Variants in CEPT1 observed in about 807,000 individuals in gnomAD.
The protein encoded by CEPT1 is choline/ethanolamine phosphotransferase 1, also known as choline/ethanolaminephosphotransferase 1.
CEPT1 carries 7 observed loss-of-function variants against 42.6 expected under a neutral mutation model. The observed-to-expected ratio is 0.16, with a 90% confidence interval of 0.09 to 0.31. The LOEUF is 0.31. Among genes scored for constraint, CEPT1 ranks in the 10% least tolerant of loss-of-function variants. CEPT1 has a pLI of 1.00. For missense variants in CEPT1, 306 were observed against 502.1 expected (o/e 0.61, Z 3.73); for synonymous variants, 171 against 171.9 (o/e 0.99, Z 0.04).
chr1:111,156,482 G>T (rs934228912), intron 2 of CEPT1, among the ~76,000 whole-genome samples: 1 of 152,138 alleles, frequency 6.6e-6, no homozygotes. Flanking sequence ...TAAATCAGGG[G>T]TGTCTAATCT....
At chr1:111,158,899 ATTCTTT>A (rs1486193342) in intron 2 of CEPT1, among the ~76,000 whole-genome samples, 1 of 76,470 alleles carries the variant, frequency 1.3e-5, no homozygotes, top group Non-Finnish European at 2.9e-5. Context: ...TTCTTTTACA[ATTCTTT>A]TTTTTTTTTT....
rs1657175247 is a variant in CEPT1 at position 111,184,755 on chromosome 1, G to A, written c.*445G>A. ...ACTGAGGAATTCAGCTTGTGACACA[G>A]ATACATCCCACTAGCTTGTGAGGTG... On this transcript the variant is annotated 3_prime_UTR_variant, in exon 9 of 9. Coordinates refer to ENST00000357172, the MANE Select transcript of CEPT1 (RefSeq NM_006090.5). 6.6e-6 allele frequency: 1 copy of A among 152,260 alleles called. No homozygotes were observed. Among genetic ancestry groups the A allele is most frequent in the Non-Finnish European group, 1.5e-5 (1 of 68,150 alleles). The allele number at this position is 152,260 out of a possible 1,614,324, so 9.4% of individuals were successfully genotyped here.
At position 111,147,970 on chromosome 1, in the gene CEPT1, A is replaced by G; in HGVS notation, c.256A>G (p.Asn86Asp). The G allele has an allele frequency of 1.2e-6, 2 of 1,614,162 alleles. No homozygotes were observed. The highest frequency in any genetic ancestry group is 1.7e-6 in the Non-Finnish European group (2 of 1,180,030). Reference protein sequence around the residue: ...VRRVPSWIAPNLITIIGLSIN... With the variant: ...VRRVPSWIAPDLITIIGLSIN... ...AAGAGTTCCCTCCTGGATTGCCCCA[A>G]ATCTCATCACCATCATTGGACTGTC... is the stretch of plus-strand genomic sequence containing the variant. The change falls in exon 2 of 9, where the codon AAT (asparagine) becomes GAT (aspartate). Residue 86 changes from asparagine (N) to aspartate (D), a missense_variant. This residue lies in a region of CEPT1 where 253 missense variants were observed against 447.3 expected (regional missense o/e 0.57). Transcript: ENST00000357172.
intron 2 of CEPT1, among the ~76,000 whole-genome samples, chr1:111,151,765 T>C (rs1258836101): frequency 3.3e-5 from 5 of 152,222 alleles, no homozygotes; most frequent in Non-Finnish European, 2.9e-5. Context: ...TAATAGAGGT[T>C]CTTTACAGAT....
At position 111,141,448 on chromosome 1, in the gene CEPT1, T is replaced by C. The variant is rs187288581; in HGVS notation, c.-74+1141T>C. The stretch of plus-strand genomic sequence containing the variant: ...TTATATTAACACCAATTACATTTTA[T>C]TGCACAATTTCTTTGTTTTCTAGGC... On this transcript the variant is annotated intron_variant, in intron 1 of 8. Transcript: ENST00000357172. 3.3e-5 allele frequency among the ~76,000 whole-genome samples: 5 copies of C among 152,376 alleles called. 1 individual carries two copies. Among genetic ancestry groups the C allele is most frequent in the African/African-American group, 7.2e-5 (3 of 41,576 alleles).
Position 111,146,363 on chromosome 1 carries a change from C to G in CEPT1, c.-73-1279C>G, listed in dbSNP as rs181837700. Among the ~76,000 whole-genome samples the G allele has an allele frequency of 1.4e-4, 21 of 152,178 alleles. 1 individual carries two copies. Among genetic ancestry groups the G allele is most frequent in the Admixed American group, 1.0e-3 (16 of 15,294 alleles). On this transcript the variant is annotated intron_variant, in intron 1 of 8. Coordinates refer to ENST00000357172, the MANE Select transcript of CEPT1 (RefSeq NM_006090.5). Reference sequence around the variant, plus strand: ...CCCTAGTTCCCTTTCACCCACTACACCCCAAAAGCCAAAAAATAACAAACT... The same window carrying G: ...CCCTAGTTCCCTTTCACCCACTACAGCCCAAAAGCCAAAAAATAACAAACT...
chr1:111,153,865 T>C (rs1260904347), intron 2 of CEPT1, among the ~76,000 whole-genome samples: 1 of 152,204 alleles, frequency 6.6e-6, no homozygotes, highest in Non-Finnish European at 1.5e-5. Flanking sequence ...AGCTTTTTAG[T>C]GTATTTTGAA....
In CEPT1 at chr1:111,165,150, T is replaced by C. The variant is rs143715277; in HGVS notation, c.629+3854T>C. ...CTGCAACCTCCGCCTCCTGGGTTCA[T>C]GCCATTCTCCTGCCTCAGCCTCTGA... On this transcript the variant is annotated intron_variant, in intron 4 of 8. Transcript: ENST00000357172. Among the ~76,000 whole-genome samples the C allele has an allele frequency of 6.8e-3, 994 of 145,954 alleles. 10 individuals carry two copies. The highest frequency in any genetic ancestry group is 0.022 in the African/African-American group (850 of 39,304).
chr1:111,150,369 A>T (rs1655202135), intron 2 of CEPT1, among the ~76,000 whole-genome samples: 1 of 152,212 alleles, frequency 6.6e-6, no homozygotes, highest in Admixed American at 6.5e-5. Context: ...AAGATTAGGT[A>T]TATAATCTAT....
At chr1:111,166,658 A>AGGAGCGG (rs1032065386) in intron 4 of CEPT1, among the ~76,000 whole-genome samples, 1 of 152,180 alleles carries the variant, frequency 6.6e-6, no homozygotes, top group Non-Finnish European at 1.5e-5. Flanking sequence ...GGGACAGGGA[A>AGGAGCGG]GGAGCGTAAG....
chr1:111,159,737 C>G (rs1173899157), intron 3 of CEPT1: 4 of 395,288 alleles, frequency 1.0e-5, no homozygotes, highest in Non-Finnish European at 1.8e-5. Flanking sequence ...ATTTTTAGCC[C>G]CAAATATTGT....
chr1:111,145,859 ACT>A (rs1229336181), intron 1 of CEPT1, among the ~76,000 whole-genome samples: 1 of 152,040 alleles, frequency 6.6e-6, no homozygotes, highest in African/African-American at 2.4e-5. Flanking sequence ...GGAACCTGCC[ACT>A]CTCAGGACCA....
intron 4 of CEPT1, among the ~76,000 whole-genome samples, chr1:111,163,838 TGAGTA>T (rs1162243034): frequency 1.3e-5 from 2 of 152,216 alleles, no homozygotes; most frequent in African/African-American, 4.8e-5. Flanking sequence ...AAATGTAGTT[TGAGTA>T]AAGAAATTTT....
intron 3 of CEPT1, 105 bp downstream of exon 3, chr1:111,159,632 T>C: frequency 1.2e-6 from 1 of 853,648 alleles, no homozygotes; most frequent in Non-Finnish European, 1.7e-6. Context: ...TAATTTTGTA[T>C]TAAATTTTAG....
intron 2 of CEPT1, among the ~76,000 whole-genome samples, chr1:111,155,504 T>C (rs1258537489): frequency 6.6e-6 from 1 of 151,884 alleles, no homozygotes; most frequent in Non-Finnish European, 1.5e-5. Context: ...GTGTCATATA[T>C]GTATATATAC....
At chr1:111,175,518 T>C (rs1379871185) in intron 5 of CEPT1, among the ~76,000 whole-genome samples, 1 of 152,148 alleles carries the variant, frequency 6.6e-6, no homozygotes, top group East Asian at 1.9e-4. Flanking sequence ...GAGTAAAATA[T>C]GGAGGCCAAG....
intron 1 of CEPT1, among the ~76,000 whole-genome samples, chr1:111,144,883 G>A (rs903315981): frequency 6.6e-6 from 1 of 152,080 alleles, no homozygotes; most frequent in Non-Finnish European, 1.5e-5. Context: ...AAGTGATCTC[G>A]TCACCAGTTA....
rs190665596 is a variant in CEPT1 at position 111,169,650 on chromosome 1, T to C, written c.630-5229T>C. On this transcript the variant is annotated intron_variant, in intron 4 of 8. Transcript: ENST00000357172. The stretch of plus-strand genomic sequence containing the variant: ...GATTTTCTTTTGCTTTTAATACTTA[T>C]TGCTTAAACTGATTTGATAATTAAA... 9.7e-4 allele frequency among the ~76,000 whole-genome samples: 148 copies of C among 152,344 alleles called. 1 individual carries two copies. The highest frequency in any genetic ancestry group is 3.4e-3 in the Middle Eastern group (1 of 294).
At chr1:111,176,705 T>C (rs1656692700) in intron 5 of CEPT1, among the ~76,000 whole-genome samples, 1 of 152,222 alleles carries the variant, frequency 6.6e-6, no homozygotes, top group African/African-American at 2.4e-5. Context: ...ATATGAAATT[T>C]ATTTTCATAT....
Sources: allele counts gnomAD v4.1 joint callset (sites outside exome capture counted in the v4.1 genomes callset), GRCh38; gene constraint gnomAD v4.1.1; regional missense constraint gnomAD v4.1.1; transcripts MANE v1.5; gene names NCBI Gene and HGNC (gene_info 2026-07-23, HGNC 2026-07-21).